Variants in DNAH2 observed in about 807,000 individuals in gnomAD.
DNAH2 encodes axonemal beta dynein heavy chain 2.
Under a neutral mutation model 523.5 loss-of-function variants are expected in DNAH2, and 323 were observed. The ratio of observed to expected loss-of-function variants is 0.62; its 90% CI spans 0.56 to 0.68. The LOEUF (loss-of-function observed/expected upper bound fraction) is 0.68, where lower values mean the gene tolerates loss of function less well. Ranked by LOEUF, DNAH2 falls within the 30% of genes least tolerant of loss-of-function variation. The pLI, the probability that DNAH2 is intolerant of heterozygous loss-of-function variation, is 0.00. For missense variants in DNAH2, 4,907 were observed against 5,701.5 expected, an observed-to-expected ratio of 0.86 and a Z score of 4.49; for synonymous variants, 2,093 against 2,177.4, an observed-to-expected ratio of 0.96 and a Z score of 1.08.
At chr17:7,814,038 C>G (rs1203557201) in intron 63 of DNAH2, among the ~76,000 whole-genome samples, 1 of 151,850 alleles carries the variant, frequency 6.6e-6, no homozygotes, top group Admixed American at 6.6e-5. Flanking sequence ...ATAAATGATT[C>G]TGTGCATGGA....
intron 12 of DNAH2, among the ~76,000 whole-genome samples, chr17:7,745,270 CAGGCAT>C (rs1238688336): frequency 3.7e-4 from 56 of 152,254 alleles, no homozygotes; most frequent in African/African-American, 1.3e-3. Flanking sequence ...GCTGGGATTA[CAGGCAT>C]GAGCCACTGT....
In DNAH2 at chr17:7,754,947, T is replaced by A; in HGVS notation, c.1905-2144T>A. The A allele has an allele frequency of 7.3e-6, 3 of 409,554 alleles. No individual in the cohort carries two copies. Among genetic ancestry groups the A allele is most frequent in the South Asian group, 6.5e-5 (1 of 15,480 alleles). The allele number at this position is 409,554 out of a possible 1,614,324, so 25.4% of individuals were successfully genotyped here. ...GGCTGGGGTCCTCCTGCGCTATTGG[T>A]ACAAATAAGCCTGAGGCAGAAAAAA... On this transcript the variant is annotated intron_variant, in intron 12 of 85. Transcript: ENST00000572933. The surrounding 1 kb of genome is among the most constrained non-coding windows in gnomAD (Gnocchi z 4.6).
At position 7,763,935 on chromosome 17, in the gene DNAH2, G is replaced by A; in HGVS notation, c.3083G>A (p.Cys1028Tyr). 2 of 1,614,212 alleles carry A rather than the reference G, an allele frequency of 1.2e-6. No homozygotes were observed. ...SHLKFSLVQHCNEWQNKFATL... is the reference protein window; with the variant it reads ...SHLKFSLVQHYNEWQNKFATL... The stretch of plus-strand genomic sequence containing the variant: ...CTCAAGTTCTCCCTGGTGCAGCACT[G>A]CAATGAATGGCAGAACAAGTTCGCG... The change falls in exon 19 of 86, where the codon TGC (cysteine) becomes TAC (tyrosine). Residue 1028 changes from cysteine (C) to tyrosine (Y), a missense_variant. Transcript: ENST00000572933.
At chr17:7,797,952 C>T in intron 53 of DNAH2, 123 bp downstream of exon 53, 6 of 1,426,246 alleles carry the variant, frequency 4.2e-6, no homozygotes, top group South Asian at 1.4e-5. Context: ...CTCCCTGGCC[C>T]CAGATGCCCT....
chr17:7,771,505 G>T, intron 28 of DNAH2, 37 bp downstream of exon 28: 1 of 1,610,806 alleles, frequency 6.2e-7, no homozygotes, highest in Non-Finnish European at 8.5e-7. Context: ...ACACAGCCTC[G>T]GCAGGCACTC....
At chr17:7,816,370 C>G (rs776213511) in intron 63 of DNAH2, among the ~76,000 whole-genome samples, 5 of 152,166 alleles carry the variant, frequency 3.3e-5, no homozygotes, top group Non-Finnish European at 5.9e-5. Context: ...TTCACCTCAT[C>G]TCACGTATTT....
rs373861664 is a variant in DNAH2 at position 7,824,118 on chromosome 17, C to A, written c.11479-3C>A. The A allele has an allele frequency of 1.7e-5, 27 of 1,559,172 alleles. No homozygotes were observed. In the South Asian group the frequency reaches 2.0e-4, roughly 12 times the overall value. On this transcript the variant is annotated splice_region_variant and splice_polypyrimidine_tract_variant and intron_variant, in intron 75 of 85. Coordinates refer to ENST00000572933, the MANE Select transcript of DNAH2 (RefSeq NM_020877.5). ...CCTGATGCTATACCTGTGCTTCTGGCAGGTGCTGGAGGATTCAACCCCACG... is the reference window on the plus strand; with the variant it reads ...CCTGATGCTATACCTGTGCTTCTGGAAGGTGCTGGAGGATTCAACCCCACG...
chr17:7,824,651 T>A lies in DNAH2; in HGVS notation c.11777T>A (p.Leu3926His). 1 of 1,609,080 alleles carries A rather than the reference T, an allele frequency of 6.2e-7. No homozygotes were observed. Among genetic ancestry groups the A allele is most frequent in the Non-Finnish European group, 8.5e-7 (1 of 1,176,712 alleles). ...CCTCATCCATCCTTCCGCCTCTGGC[T>A]CAGCTCCATCCCCCACCCAGACTTC... is the stretch of plus-strand genomic sequence containing the variant. ...EDPHPSFRLWLSSIPHPDFPI... is the reference protein window; with the variant it reads ...EDPHPSFRLWHSSIPHPDFPI... Residue 3926 changes from leucine (L) to histidine (H), a missense_variant, in exon 77 of 86, where the codon CTC becomes CAC. Leu to His is a moderately conservative substitution (Grantham distance 99, BLOSUM62 -3). This residue lies in a region of DNAH2 where 1,851 missense variants were observed against 2,139.4 expected (regional missense o/e 0.87). Transcript: ENST00000572933.
At chr17:7,752,777 C>T (rs1227445139) in intron 12 of DNAH2, among the ~76,000 whole-genome samples, 2 of 152,078 alleles carry the variant, frequency 1.3e-5, no homozygotes, top group Non-Finnish European at 2.9e-5. Context: ...AATAAAACAC[C>T]CTTGCAAACT....
chr17:7,779,443 T>A lies in DNAH2; in HGVS notation c.5722+20T>A. 1 of 1,609,242 alleles carries A rather than the reference T, an allele frequency of 6.2e-7. No homozygotes were observed. On this transcript the variant is annotated intron_variant, in intron 36 of 85. Coordinates refer to ENST00000572933, the MANE Select transcript of DNAH2 (RefSeq NM_020877.5). Reference sequence around the variant, plus strand: ...ATCCTGGTAGGTGGCAGGGAGTGGATGGGACTCCTGGGGTGGGAAGAACTG... The same window carrying A: ...ATCCTGGTAGGTGGCAGGGAGTGGAAGGGACTCCTGGGGTGGGAAGAACTG...
intron 12 of DNAH2, among the ~76,000 whole-genome samples, chr17:7,748,602 C>T (rs571247620): frequency 2.6e-5 from 4 of 152,218 alleles, no homozygotes; most frequent in African/African-American, 4.8e-5. Flanking sequence ...CTCAAGCAAC[C>T]CTCCCACCTC....
intron 74 of DNAH2, 60 bp from the exon 75 acceptor site, chr17:7,823,774 T>C: frequency 6.3e-7 from 1 of 1,593,602 alleles, no homozygotes; most frequent in Non-Finnish European, 8.6e-7. Context: ...CCCCTTTGTC[T>C]GGATTCCCCG....
intron 22 of DNAH2, among the ~76,000 whole-genome samples, chr17:7,767,484 C>G (rs1319316973): frequency 1.3e-5 from 2 of 152,072 alleles, no homozygotes; most frequent in African/African-American, 4.8e-5. Flanking sequence ...CATATGGAAA[C>G]TCTATGTTTA....
rs528411565 is a variant in DNAH2, at chr17:7,829,573, G to T, written c.11854-727G>T. ...ATCACATAGACTGTTCTTCCTTGAT[G>T]ATATATTATGGACTTTTTAATCTAC... On this transcript the variant is annotated intron_variant, in intron 77 of 85. Transcript: ENST00000572933. Among the ~76,000 whole-genome samples the T allele has an allele frequency of 2.6e-5, 4 of 151,946 alleles. No homozygotes were observed. The East Asian group carries it at 7.7e-4, about 29-fold the overall frequency.
chr17:7,771,458 C>T lies in DNAH2; in HGVS notation c.4491C>T (p.Thr1497=). The T allele has an allele frequency of 6.2e-7, 1 of 1,613,902 alleles. No individual in the cohort carries two copies. Among genetic ancestry groups the T allele is most frequent in the Non-Finnish European group, 8.5e-7 (1 of 1,179,860 alleles). ...MNKDNNALRS[T]HHPGLLDTLI... is the part of the protein sequence containing the mutation. Reference sequence around the variant, plus strand: ...AGGACAACAATGCTCTCCGGAGCACCCATCACCCAGGTCAGAGCTCCAGGG... The same window carrying T: ...AGGACAACAATGCTCTCCGGAGCACTCATCACCCAGGTCAGAGCTCCAGGG... Residue 1497 remains threonine (T), a synonymous_variant, in exon 28 of 86, where the codon ACC becomes ACT. Transcript: ENST00000572933.
chr17:7,738,709 C>T lies in DNAH2; in HGVS notation c.1171-1024C>T, dbSNP rs563742756. ...TTTCCTCCTATCTTGACCCCATCGTCTAAAATTCTATTATGTATGAATCTG... is the reference window on the plus strand; with the variant it reads ...TTTCCTCCTATCTTGACCCCATCGTTTAAAATTCTATTATGTATGAATCTG... On this transcript the variant is annotated intron_variant, in intron 8 of 85. Transcript: ENST00000572933. Among the ~76,000 whole-genome samples, 10 of 152,256 alleles carry T rather than the reference C, an allele frequency of 6.6e-5. No individual in the cohort carries two copies. In the South Asian group the frequency reaches 1.9e-3, roughly 28 times the overall value.
rs368106836 is a variant in DNAH2, at chr17:7,788,266, C to T, written c.6900+22C>T. Reference sequence around the variant, plus strand: ...TGGGGTAAGGGGAGGACACAGACCACGGGCAGGGGCAGGGGGTGCTCACAG... The same window carrying T: ...TGGGGTAAGGGGAGGACACAGACCATGGGCAGGGGCAGGGGGTGCTCACAG... On this transcript the variant is annotated intron_variant, in intron 44 of 85. Coordinates refer to ENST00000572933, the MANE Select transcript of DNAH2 (RefSeq NM_020877.5). 2.8e-5 allele frequency: 43 copies of T among 1,546,442 alleles called. No individual in the cohort carries two copies. The East Asian group carries it at 4.3e-4, about 15-fold the overall frequency.
At chr17:7,720,651 C>A (rs1009021739) in intron 2 of DNAH2, among the ~76,000 whole-genome samples, 2 of 152,040 alleles carry the variant, frequency 1.3e-5, no homozygotes, top group Admixed American at 1.3e-4. Context: ...CCTGGAGCTC[C>A]TTTACACTGA....
intron 56 of DNAH2, among the ~76,000 whole-genome samples, chr17:7,800,803 C>G (rs971895276): frequency 1.8e-4 from 26 of 147,982 alleles, no homozygotes; most frequent in African/African-American, 6.5e-4. Context: ...GGAGGTGGAG[C>G]TTGCAGTGAG....
Sources: allele counts gnomAD v4.1 joint callset (sites outside exome capture counted in the v4.1 genomes callset), GRCh38; gene constraint gnomAD v4.1.1; regional missense constraint gnomAD v4.1.1; non-coding constraint Gnocchi (gnomAD v3.1); transcripts MANE v1.5; gene names NCBI Gene and HGNC (gene_info 2026-07-23, HGNC 2026-07-21).